The following DYNC2H1 variants were observed in gnomAD, a reference collection of about 807,000 sequenced individuals.
The protein encoded by DYNC2H1 is dynein cytoplasmic 2 heavy chain 1, also known as cytoplasmic dynein 2 heavy chain 1.
In DYNC2H1, 410 loss-of-function variants were observed where a neutral mutation model predicts 570.0. The observed-to-expected ratio is 0.72, with a 90% CI of 0.66 to 0.78. DYNC2H1 has a LOEUF of 0.78. DYNC2H1 is among the 30% of genes least tolerant of loss of function. The pLI is 0.00. For synonymous variants in DYNC2H1, 1,688 were observed against 1,677.6 expected (o/e 1.01, Z -0.15); for missense variants, 4,865 against 5,046.4 (o/e 0.96, Z 1.09).
intron 79 of DYNC2H1, among the ~76,000 whole-genome samples, chr11:103,312,597 T>A (rs987083644): frequency 1.3e-5 from 2 of 150,792 alleles, no homozygotes; most frequent in African/African-American, 4.9e-5. Context: ...ATAGCTAGGT[T>A]TACATATTTA....
At chr11:103,459,536 G>C (rs1335256083) in intron 87 of DYNC2H1, among the ~76,000 whole-genome samples, 1 of 152,038 alleles carries the variant, frequency 6.6e-6, no homozygotes, top group African/African-American at 2.4e-5. Context: ...TAATAGGAGA[G>C]GCACTGTAGT....
chr11:103,370,025 A>G (rs1941081377), intron 83 of DYNC2H1, among the ~76,000 whole-genome samples: 2 of 152,222 alleles, frequency 1.3e-5, no homozygotes. Flanking sequence ...TGGAGCCCCA[A>G]TTTCAGGACT....
chr11:103,189,540 C>A lies in DYNC2H1; in HGVS notation c.7293-132C>A. The A allele has an allele frequency of 2.4e-6, 2 of 832,566 alleles. No homozygotes were observed. The highest frequency in any genetic ancestry group is 2.7e-5 in the Admixed American group (1 of 37,556). 51.6% of individuals were successfully genotyped at this position (832,566 alleles called of 1,614,324 possible). ...GGGCGATGAGCCTAGTCTTAGCCCCCTGGGTAAGCTTTGGAGATATGTAGG... is the reference window on the plus strand; with the variant it reads ...GGGCGATGAGCCTAGTCTTAGCCCCATGGGTAAGCTTTGGAGATATGTAGG... On this transcript the variant is annotated intron_variant, in intron 44 of 88. Coordinates refer to ENST00000375735, the MANE Select transcript of DYNC2H1 (RefSeq NM_001377.3). The surrounding 1 kb of genome is among the most constrained non-coding windows in gnomAD (Gnocchi z 4.3).
At chr11:103,470,573 A>G (rs1945344233) in intron 88 of DYNC2H1, among the ~76,000 whole-genome samples, 1 of 151,452 alleles carries the variant, frequency 6.6e-6, no homozygotes, top group Admixed American at 6.6e-5. Flanking sequence ...CCCTCCCACC[A>G]CCCCACAACA....
At chr11:103,143,501 C>T (rs959173866) in intron 18 of DYNC2H1, 106 bp downstream of exon 18, 1 of 1,122,118 alleles carries the variant, frequency 8.9e-7, no homozygotes, top group Non-Finnish European at 1.2e-6. Context: ...CTTCTTGCCT[C>T]CTCCAGATCT....
Position 103,151,563 on chromosome 11 carries a change from C to T in DYNC2H1, c.2947-573C>T, listed in dbSNP as rs12288481. On this transcript the variant is annotated intron_variant, in intron 20 of 88. Transcript: ENST00000375735. This position sits in a 1 kb window ranked among gnomAD's most constrained non-coding sequence, Gnocchi z 4.6. The stretch of plus-strand genomic sequence containing the variant: ...CTTAGAGGCAATTCCAGCAGTTTAG[C>T]ACCCATTGACCTACACCCAAACTGT... Among the ~76,000 whole-genome samples, 5,122 of 152,174 alleles carry T rather than the reference C, an allele frequency of 0.034. 294 individuals are homozygous for T. Among genetic ancestry groups the T allele is most frequent in the African/African-American group, 0.12 (4,864 of 41,518 alleles).
In DYNC2H1 at chr11:103,435,946, C is replaced by T; in HGVS notation, c.12370C>T (p.Pro4124Ser). ...TTTGACCCTTTTTAAATTGCAGTGT[C>T]CTCTCGCATGGCAGAGCAAGTGGGA... The part of the protein sequence containing the change: ...LASALLNQKC[P>S]LAWQSKWEGP... The change falls in exon 85 of 89, where the codon CCT becomes TCT. Residue 4124 changes from proline (P) to serine (S), a missense_variant. By Grantham distance (74) the Pro-to-Ser change is moderately conservative. Around this residue, in one of 5 missense-constraint regions of DYNC2H1, gnomAD observed 2,401 missense variants for 2,454.6 expected, o/e 0.98. Coordinates refer to ENST00000375735, the MANE Select transcript of DYNC2H1 (RefSeq NM_001377.3). 1 of 1,612,232 alleles carries T rather than the reference C, an allele frequency of 6.2e-7. No homozygotes were observed. Among genetic ancestry groups the T allele is most frequent in the African/African-American group, 1.3e-5 (1 of 74,924 alleles).
At chr11:103,303,305 C>G in intron 76 of DYNC2H1, 52 bp downstream of exon 76, 2 of 1,561,264 alleles carry the variant, frequency 1.3e-6, no homozygotes, top group Non-Finnish European at 1.7e-6. Flanking sequence ...TGTTCCCACA[C>G]TTGATGATAT....
chr11:103,411,408 G>C (rs537915584), intron 84 of DYNC2H1, among the ~76,000 whole-genome samples: 1 of 151,736 alleles, frequency 6.6e-6, no homozygotes, highest in East Asian at 1.9e-4. Context: ...TTTTCAGATT[G>C]TTAGGAAAAT....
At position 103,199,597 on chromosome 11, in the gene DYNC2H1, T is replaced by A; in HGVS notation, c.8088+121T>A. On this transcript the variant is annotated intron_variant, in intron 49 of 88. Transcript: ENST00000375735. The surrounding 1 kb of genome is among the most constrained non-coding windows in gnomAD (Gnocchi z 4.6). ...GTTTTAAAGAACATCTTTAAAGAAC[T>A]AAAGTTCTCTGTTATACAATGTAGT... The A allele has an allele frequency of 1.1e-6, 1 of 949,156 alleles. No individual in the cohort carries two copies. The highest frequency in any genetic ancestry group is 1.4e-6 in the Non-Finnish European group (1 of 693,326). 58.8% of individuals were successfully genotyped at this position (949,156 alleles called of 1,614,324 possible).
chr11:103,197,037 T>C (rs556122848), intron 47 of DYNC2H1, among the ~76,000 whole-genome samples: 2 of 152,240 alleles, frequency 1.3e-5, no homozygotes, highest in Admixed American at 1.3e-4. Context: ...AATAGAATGA[T>C]GAATAGACTT....
chr11:103,224,065 A>C (rs569712990), intron 59 of DYNC2H1, among the ~76,000 whole-genome samples: 17 of 151,980 alleles, frequency 1.1e-4, no homozygotes, highest in Non-Finnish European at 2.2e-4. Context: ...AGGCTTTTGT[A>C]TTTGTTTTTA....
chr11:103,337,576 T>C (rs1361394332), intron 82 of DYNC2H1, among the ~76,000 whole-genome samples: 1 of 152,234 alleles, frequency 6.6e-6, no homozygotes, highest in African/African-American at 2.4e-5. Flanking sequence ...AAAGCTATTT[T>C]AACTGGGGTG....
Position 103,463,463 on chromosome 11 carries a change from T to C in DYNC2H1, c.12649-5126T>C, listed in dbSNP as rs2135832781. The stretch of plus-strand genomic sequence containing the variant: ...AATAAAAAGAGACTGAATAAAGCTG[T>C]TGCAGGCCTGGAGCAGTGGCTCATG... On this transcript the variant is annotated intron_variant, in intron 87 of 88. Transcript: ENST00000375735. Among the ~76,000 whole-genome samples the C allele has an allele frequency of 3.9e-5, 6 of 152,270 alleles. No homozygotes were observed. In the South Asian group the frequency reaches 1.2e-3, roughly 32 times the overall value.
At chr11:103,117,503 TG>T in intron 5 of DYNC2H1, 127 bp from the exon 6 acceptor site, 1 of 675,372 alleles carries the variant, frequency 1.5e-6, no homozygotes, top group Non-Finnish European at 2.3e-6. Flanking sequence ...GACATGCATG[TG>T]GTATTTCATA....
rs1251462609 is a variant in DYNC2H1, at chr11:103,211,778, T to C, written c.8540-11T>C. Reference sequence around the variant, plus strand: ...TATAATAAGTTATTTTTATTTTCTATTTTTTTCTAGTTGATCCTGATTTTC... The same window carrying C: ...TATAATAAGTTATTTTTATTTTCTACTTTTTTCTAGTTGATCCTGATTTTC... On this transcript the variant is annotated splice_polypyrimidine_tract_variant and intron_variant, in intron 53 of 88. Coordinates refer to ENST00000375735, the MANE Select transcript of DYNC2H1 (RefSeq NM_001377.3). 2 of 1,151,116 alleles carry C rather than the reference T, an allele frequency of 1.7e-6. No individual in the cohort carries two copies. Among genetic ancestry groups the C allele is most frequent in the Non-Finnish European group, 2.4e-6 (2 of 841,222 alleles). 71.3% of individuals were successfully genotyped at this position (1,151,116 alleles called of 1,614,324 possible).
intron 82 of DYNC2H1, among the ~76,000 whole-genome samples, chr11:103,340,197 T>C (rs1471248117): frequency 6.6e-6 from 1 of 152,226 alleles, no homozygotes; most frequent in Non-Finnish European, 1.5e-5. Context: ...TTTAATTTGG[T>C]GTTCCTGCAT....
intron 83 of DYNC2H1, among the ~76,000 whole-genome samples, chr11:103,362,081 A>C (rs997470496): frequency 2.0e-5 from 3 of 152,096 alleles, no homozygotes; most frequent in Non-Finnish European, 4.4e-5. Flanking sequence ...CTTATAAAGG[A>C]GAGTAGTGAA....
chr11:103,333,081 A>G (rs769777093), intron 82 of DYNC2H1, among the ~76,000 whole-genome samples: 4 of 152,176 alleles, frequency 2.6e-5, no homozygotes, highest in Non-Finnish European at 4.4e-5. Flanking sequence ...GAAGTTCTTC[A>G]AACAGAAGAG....
Sources: allele counts gnomAD v4.1 joint callset (sites outside exome capture counted in the v4.1 genomes callset), GRCh38; gene constraint gnomAD v4.1.1; regional missense constraint gnomAD v4.1.1; non-coding constraint Gnocchi (gnomAD v3.1); transcripts MANE v1.5; gene names NCBI Gene and HGNC (gene_info 2026-07-23, HGNC 2026-07-21).